Variants in PRDM15 observed in about 807,000 individuals in gnomAD.
The protein encoded by PRDM15 is PR/SET domain 15, also known as PR domain zinc finger protein 15.
PRDM15 carries 64 observed loss-of-function variants against 128.6 expected under a neutral mutation model. The observed-to-expected ratio is 0.50, with a 90% CI of 0.41 to 0.61. The LOEUF (loss-of-function observed/expected upper bound fraction) is 0.61, where lower values mean the gene tolerates loss of function less well. PRDM15 is among the 20% of genes least tolerant of loss of function. The pLI, the probability that PRDM15 is intolerant of heterozygous loss-of-function variation, is 0.00. For synonymous variants in PRDM15, 615 were observed against 621.8 expected, an observed-to-expected ratio of 0.99 and a Z score of 0.16; for missense variants, 1,242 against 1,569.1, an observed-to-expected ratio of 0.79 and a Z score of 3.52.
rs760908614 is a variant in PRDM15, at chr21:41,839,837, G to C, written c.657C>G (p.His219Gln). ...LQLLNEHLLG[H>Q]LEQAKSLPPG... ...GAGGAAGGCTTTTGGCTTGTTCTAAGTGGCCCAACAGATGTTCTGCAAAGA... is the reference window on the plus strand; with the variant it reads ...GAGGAAGGCTTTTGGCTTGTTCTAACTGGCCCAACAGATGTTCTGCAAAGA... The change falls in exon 7 of 24, where the codon CAC becomes CAG. Residue 219 changes from histidine (H) to glutamine (Q), a missense_variant. His to Gln is a conservative substitution (Grantham distance 24). Coordinates refer to ENST00000398548, the MANE Select transcript of PRDM15 (RefSeq NM_001040424.3). 1.2e-6 allele frequency: 2 copies of C among 1,614,228 alleles called. No individual in the cohort carries two copies. Among genetic ancestry groups the C allele is most frequent in the Admixed American group, 1.7e-5 (1 of 60,024 alleles).
intron 1 of PRDM15, among the ~76,000 whole-genome samples, chr21:41,874,070 GAAAAA>G (rs34938588): frequency 9.3e-6 from 1 of 107,682 alleles, no homozygotes. Flanking sequence ...TCTGTCTCGG[GAAAAA>G]AAAAAAAAAA....
At position 41,835,541 on chromosome 21, in the gene PRDM15, G is replaced by A. The variant is rs373282748; in HGVS notation, c.1279-17C>T. On this transcript the variant is annotated splice_polypyrimidine_tract_variant and intron_variant, in intron 10 of 23. Coordinates refer to ENST00000398548, the MANE Select transcript of PRDM15 (RefSeq NM_001040424.3). ...GCCGTCCACCTGGTCAGAGGGACAC[G>A]CCGTGAGTGAGATGGCCCAGCGCAG... The A allele has an allele frequency of 4.9e-5, 79 of 1,600,136 alleles. 1 individual carries two copies. The highest frequency in any genetic ancestry group is 1.3e-4 in the East Asian group (6 of 44,680).
At chr21:41,834,459 GAC>G (rs1167117995) in intron 11 of PRDM15, 3 of 1,505,364 alleles carry the variant, frequency 2.0e-6, no homozygotes, top group Non-Finnish European at 2.7e-6. Context: ...GCAAGTGACA[GAC>G]ACAGAGCAGG....
intron 1 of PRDM15, among the ~76,000 whole-genome samples, chr21:41,860,788 C>T (rs1023645767): frequency 6.6e-6 from 1 of 152,158 alleles, no homozygotes; most frequent in Admixed American, 6.6e-5. Flanking sequence ...AGGAACATTA[C>T]GTGGTGTTCT....
At chr21:41,802,046 A>G (rs1035242117) in intron 23 of PRDM15, among the ~76,000 whole-genome samples, 6 of 152,238 alleles carry the variant, frequency 3.9e-5, no homozygotes, top group Non-Finnish European at 8.8e-5. Context: ...TGCTGTTGGT[A>G]AATGAAAATC....
chr21:41,871,721 G>T, intron 1 of PRDM15: 1 of 1,327,900 alleles, frequency 7.5e-7, no homozygotes, highest in Non-Finnish European at 1.0e-6. Flanking sequence ...GTCCTCTGTT[G>T]TTACCACTGA....
chr21:41,840,442 C>CAAAA (rs35052917), intron 6 of PRDM15, among the ~76,000 whole-genome samples: 3 of 91,146 alleles, frequency 3.3e-5, no homozygotes, highest in Non-Finnish European at 4.4e-5. Context: ...AAGACTGTCT[C>CAAAA]AAAAAAAAAA....
Position 41,798,802 on chromosome 21 carries a change from G to C in PRDM15, c.*2438C>G, listed in dbSNP as rs756804726. 1.1e-4 allele frequency: 16 copies of C among 152,222 alleles called. No homozygotes were observed. The highest frequency in any genetic ancestry group is 3.4e-4 in the African/African-American group (14 of 41,442). 9.4% of individuals were successfully genotyped at this position (152,222 alleles called of 1,614,324 possible). ...CATGATGATCAATATGCAGAACTGC[G>C]TATAGGTGAGGACTCTTCTGCCTGG... On this transcript the variant is annotated 3_prime_UTR_variant, in exon 24 of 24. Transcript: ENST00000398548.
At chr21:41,850,182 T>C (rs567475734) in intron 5 of PRDM15, among the ~76,000 whole-genome samples, 1 of 152,274 alleles carries the variant, frequency 6.6e-6, no homozygotes, top group South Asian at 2.1e-4. Flanking sequence ...TCCACGATCT[T>C]GTGGGATTCT....
chr21:41,814,258 G>A (rs1227342825), intron 19 of PRDM15: 1 of 63,404 alleles, frequency 1.6e-5, no homozygotes, highest in Non-Finnish European at 3.2e-5. Context: ...AGTGTTTTAT[G>A]AGAATGCCTC....
rs1017264508 is a variant in PRDM15, at chr21:41,828,033, G to A, written c.1534+133C>T. ...GAAGAGGATGAGCCCATCGGATGGC[G>A]GGCGTTTCCAGGCAAAGGAGCAGGC... On this transcript the variant is annotated intron_variant, in intron 12 of 23. Coordinates refer to ENST00000398548, the MANE Select transcript of PRDM15 (RefSeq NM_001040424.3). This position sits in a 1 kb window ranked among gnomAD's most constrained non-coding sequence, Gnocchi z 5.7. 1.9e-5 allele frequency: 16 copies of A among 824,428 alleles called. No homozygotes were observed. Among genetic ancestry groups the A allele is most frequent in the African/African-American group, 1.5e-4 (9 of 58,952 alleles). 51.1% of individuals were successfully genotyped at this position (824,428 alleles called of 1,614,324 possible). A position where few individuals can be genotyped will look rare whatever the true frequency, so the allele number is the denominator to read the frequency against.
In PRDM15 at chr21:41,804,150, G is replaced by T. The variant is rs980194858; in HGVS notation, c.2733+384C>A. Among the ~76,000 whole-genome samples the T allele has an allele frequency of 3.9e-5, 6 of 152,226 alleles. 1 individual carries two copies. The highest frequency in any genetic ancestry group is 4.2e-4 in the South Asian group (2 of 4,818). The stretch of plus-strand genomic sequence containing the variant: ...GGCTAATTTTTGTACTTTTAGTAGA[G>T]ACAGGGTTTTGCCACGTTGGCCAGG... On this transcript the variant is annotated intron_variant, in intron 22 of 23. Coordinates refer to ENST00000398548, the MANE Select transcript of PRDM15 (RefSeq NM_001040424.3).
intron 8 of PRDM15, among the ~76,000 whole-genome samples, 170 bp downstream of exon 8, chr21:41,837,764 T>C (rs963147740): frequency 0.018 from 83 of 4,570 alleles, no homozygotes; most frequent in Middle Eastern, 0.031. Context: ...ACTCCTGAGC[T>C]CCAGAACATT....
chr21:41,853,399 G>T (rs774441341), intron 5 of PRDM15, among the ~76,000 whole-genome samples: 1 of 152,176 alleles, frequency 6.6e-6, no homozygotes, highest in African/African-American at 2.4e-5. Context: ...TGGGAGGGGG[G>T]TCAGGAGAGT....
rs201404712 is a variant in PRDM15 at position 41,810,715 on chromosome 21, C to T, written c.2476+38G>A. On this transcript the variant is annotated intron_variant, in intron 20 of 23. Transcript: ENST00000398548. This position sits in a 1 kb window ranked among gnomAD's most constrained non-coding sequence, Gnocchi z 6.4. ...CTCAGACAGCCCCGGCAGCCTGCCG[C>T]GTGCGCCCCGAAGGCTCCTTCAGGC... The T allele has an allele frequency of 2.0e-4, 313 of 1,557,752 alleles. 1 individual carries two copies. Among genetic ancestry groups the T allele is most frequent in the East Asian group, 1.6e-3 (70 of 44,612 alleles).
Position 41,879,270 on chromosome 21 carries a change from C to T in PRDM15, c.-10G>A, listed in dbSNP as rs539593530. 67 of 1,044,380 alleles carry T rather than the reference C, an allele frequency of 6.4e-5. No homozygotes were observed. Among genetic ancestry groups the T allele is most frequent in the Non-Finnish European group, 7.1e-5 (61 of 857,694 alleles). 64.7% of individuals were successfully genotyped at this position (1,044,380 alleles called of 1,614,324 possible). ...GCGGGCGCAGGGCCCGGAGCTTTACCTGCCTTTGGAATGTGCAGAGCGGGA... is the reference window on the plus strand; with the variant it reads ...GCGGGCGCAGGGCCCGGAGCTTTACTTGCCTTTGGAATGTGCAGAGCGGGA... On this transcript the variant is annotated splice_region_variant and 5_prime_UTR_variant, in exon 1 of 24. Transcript: ENST00000398548. The surrounding 1 kb of genome is among the most constrained non-coding windows in gnomAD (Gnocchi z 5.1).
At chr21:41,826,756 G>A (rs970653171) in intron 12 of PRDM15, among the ~76,000 whole-genome samples, 2 of 152,108 alleles carry the variant, frequency 1.3e-5, no homozygotes, top group African/African-American at 2.4e-5. Flanking sequence ...TTGGACAAAC[G>A]GACCGTTCTC....
Position 41,798,764 on chromosome 21 carries a change from A to G in PRDM15, c.*2476T>C, listed in dbSNP as rs1449184617. ...TGCACCTGGGATCAGTTAAAAAACG[A>G]AATACTTCCTGTCATGATGATCAAT... On this transcript the variant is annotated 3_prime_UTR_variant, in exon 24 of 24. Coordinates refer to ENST00000398548, the MANE Select transcript of PRDM15 (RefSeq NM_001040424.3). 6.6e-6 allele frequency: 1 copy of G among 152,242 alleles called. No individual in the cohort carries two copies. Among genetic ancestry groups the G allele is most frequent in the Non-Finnish European group, 1.5e-5 (1 of 68,054 alleles). 9.4% of individuals were successfully genotyped at this position (152,242 alleles called of 1,614,324 possible).
intron 23 of PRDM15, 141 bp downstream of exon 23, chr21:41,802,571 A>C: frequency 1.4e-6 from 1 of 730,254 alleles, no homozygotes; most frequent in Non-Finnish European, 2.4e-6. Context: ...AGTGAAAAAC[A>C]GAATGTCTGC....
Sources: allele counts gnomAD v4.1 joint callset (sites outside exome capture counted in the v4.1 genomes callset), GRCh38; gene constraint gnomAD v4.1.1; non-coding constraint Gnocchi (gnomAD v3.1); transcripts MANE v1.5; gene names NCBI Gene and HGNC (gene_info 2026-07-23, HGNC 2026-07-21).